The following SNTG1 variants were observed in gnomAD, a reference collection of about 807,000 sequenced individuals.
The protein encoded by SNTG1 is syntrophin gamma 1.
Under a neutral mutation model 74.7 loss-of-function variants are expected in SNTG1, and 39 were observed. The ratio of observed to expected loss-of-function variants is 0.52; its 90% CI spans 0.40 to 0.68. The LOEUF (loss-of-function observed/expected upper bound fraction) is 0.68, where lower values mean the gene tolerates loss of function less well. SNTG1 is among the 30% of genes least tolerant of loss of function. SNTG1 has a pLI of 0.00. For synonymous variants in SNTG1, 254 were observed against 217.1 expected (o/e 1.17, Z -1.49); for missense variants, 685 against 609.5 (o/e 1.12, Z -1.30).
At chr8:50,585,998 T>G (rs142876021) in intron 12 of SNTG1, among the ~76,000 whole-genome samples, 65 of 152,298 alleles carry the variant, frequency 4.3e-4, no homozygotes, top group East Asian at 4.3e-3. Context: ...GTGCCACTTA[T>G]GAGAAAGCAT....
chr8:50,177,506 C>A (rs1254163895), intron 2 of SNTG1, among the ~76,000 whole-genome samples: 1 of 152,204 alleles, frequency 6.6e-6, no homozygotes, highest in Non-Finnish European at 1.5e-5. Flanking sequence ...GGAGTTACAG[C>A]TGTACAGTGT....
chr8:50,736,391 T>A (rs2095528727), intron 17 of SNTG1, among the ~76,000 whole-genome samples: 1 of 152,078 alleles, frequency 6.6e-6, no homozygotes, highest in African/African-American at 2.4e-5. Flanking sequence ...ATCCTAAATA[T>A]ATGCACCCAA....
chr8:50,059,572 A>G (rs1470948118), intron 1 of SNTG1, among the ~76,000 whole-genome samples: 2 of 152,110 alleles, frequency 1.3e-5, no homozygotes, highest in Non-Finnish European at 1.5e-5. Flanking sequence ...ATTGTAAACA[A>G]TTCATATAAA....
intron 2 of SNTG1, among the ~76,000 whole-genome samples, chr8:50,239,698 C>A (rs940147954): frequency 2.6e-5 from 4 of 152,138 alleles, no homozygotes; most frequent in Non-Finnish European, 5.9e-5. Context: ...GCTTCCAAAT[C>A]TTTTAGGTTT....
intron 18 of SNTG1, among the ~76,000 whole-genome samples, chr8:50,767,878 T>C (rs1461789044): frequency 6.6e-6 from 1 of 152,010 alleles, no homozygotes; most frequent in Admixed American, 6.6e-5. Flanking sequence ...CTACACACAT[T>C]GGTGTAGCTT....
Position 49,965,259 on chromosome 8 carries a change from T to C in SNTG1, c.-103+53028T>C, listed in dbSNP as rs188382947. Among the ~76,000 whole-genome samples the C allele has an allele frequency of 4.4e-4, 67 of 152,344 alleles. 1 individual carries two copies. The highest frequency in any genetic ancestry group is 3.4e-3 in the Middle Eastern group (1 of 294). ...AAGGATACAGTTCTCCTGTGGATTC[T>C]AACAAATCTAGTACAGAAGGAGGCA... On this transcript the variant is annotated intron_variant, in intron 1 of 18. Coordinates refer to ENST00000642720, the MANE Select transcript of SNTG1 (RefSeq NM_018967.5).
intron 2 of SNTG1, among the ~76,000 whole-genome samples, chr8:50,351,218 G>T (rs913490262): frequency 2.6e-5 from 4 of 152,160 alleles, no homozygotes; most frequent in African/African-American, 4.8e-5. Flanking sequence ...AGTAGAATTA[G>T]GGTGTTGGAG....
intron 13 of SNTG1, among the ~76,000 whole-genome samples, chr8:50,625,116 A>G (rs1026539253): frequency 3.3e-5 from 5 of 152,148 alleles, no homozygotes; most frequent in Non-Finnish European, 7.4e-5. Flanking sequence ...CTTCACATAT[A>G]TTATCTCATT....
intron 1 of SNTG1, among the ~76,000 whole-genome samples, chr8:49,925,732 C>T (rs1326616809): frequency 3.3e-5 from 5 of 152,140 alleles, no homozygotes; most frequent in African/African-American, 1.2e-4. Flanking sequence ...TCAGAGTAAA[C>T]TATCCAAGTT....
In SNTG1 at chr8:50,672,610, C is replaced by T. The variant is rs181853066; in HGVS notation, c.1038+13947C>T. ...AGACCTTTGTCAGATGGGTAGGTTG[C>T]AAAAGTTTTCTCCAATTCTGTAGGT... On this transcript the variant is annotated intron_variant, in intron 15 of 18. Coordinates refer to ENST00000642720, the MANE Select transcript of SNTG1 (RefSeq NM_018967.5). 1.4e-3 allele frequency among the ~76,000 whole-genome samples: 208 copies of T among 152,204 alleles called. 2 individuals carry two copies. The highest frequency in any genetic ancestry group is 0.01 in the Middle Eastern group (3 of 294).
Position 50,434,625 on chromosome 8 carries a change from C to A in SNTG1, c.163-3918C>A, listed in dbSNP as rs550746238. ...ATATCATTGTGGTTTTGATTTTCAT[C>A]TCTCTGATGGCCAGTGATGATGAGC... On this transcript the variant is annotated intron_variant, in intron 4 of 18. Transcript: ENST00000642720. 3.4e-3 allele frequency among the ~76,000 whole-genome samples: 513 copies of A among 152,178 alleles called. 4 individuals are homozygous for A. Among genetic ancestry groups the A allele is most frequent in the African/African-American group, 0.012 (479 of 41,534 alleles).
At chr8:50,278,087 C>A (rs1213906377) in intron 2 of SNTG1, among the ~76,000 whole-genome samples, 1 of 151,970 alleles carries the variant, frequency 6.6e-6, no homozygotes, top group East Asian at 1.9e-4. Flanking sequence ...GTGGGAGAAT[C>A]ACTTGAACCC....
chr8:50,522,033 G>A (rs1585562059), intron 9 of SNTG1, among the ~76,000 whole-genome samples: 1 of 152,052 alleles, frequency 6.6e-6, no homozygotes, highest in African/African-American at 2.4e-5. Context: ...CAACAATGGA[G>A]AATCATTTCC....
At chr8:50,085,101 C>T (rs1822758553) in intron 1 of SNTG1, among the ~76,000 whole-genome samples, 1 of 152,216 alleles carries the variant, frequency 6.6e-6, no homozygotes, top group African/African-American at 2.4e-5. Flanking sequence ...GCTTTGTCTT[C>T]TCCAGGTAAT....
At chr8:50,608,744 G>A (rs138028887) in intron 13 of SNTG1, among the ~76,000 whole-genome samples, 1 of 151,540 alleles carries the variant, frequency 6.6e-6, no homozygotes, top group Non-Finnish European at 1.5e-5. Context: ...CTGCAATTCT[G>A]CTATTTTTTC....
chr8:50,236,783 A>G (rs558498601), intron 2 of SNTG1, among the ~76,000 whole-genome samples: 14 of 152,152 alleles, frequency 9.2e-5, no homozygotes, highest in African/African-American at 3.1e-4. Context: ...ATATATACAG[A>G]TATAAAATAA....
In SNTG1 at chr8:50,003,881, G is replaced by A. The variant is rs80201035; in HGVS notation, c.-103+91650G>A. Among the ~76,000 whole-genome samples the A allele has an allele frequency of 8.8e-3, 1,340 of 152,226 alleles. 22 individuals are homozygous for A. The highest frequency in any genetic ancestry group is 0.028 in the African/African-American group (1,163 of 41,556). On this transcript the variant is annotated intron_variant, in intron 1 of 18. Transcript: ENST00000642720. ...GTCTCTCTCCTGTTTTCTGGAGTCT[G>A]TTACTGGCCCAAAACAATCTGGGGG...
intron 1 of SNTG1, among the ~76,000 whole-genome samples, chr8:50,073,297 T>G (rs1821537372): frequency 6.6e-6 from 1 of 152,228 alleles, no homozygotes; most frequent in South Asian, 2.1e-4. Context: ...CCACACTTTT[T>G]TGCTCATCCA....
Position 50,438,523 on chromosome 8 carries a change from T to A in SNTG1, c.163-20T>A. On this transcript the variant is annotated intron_variant, in intron 4 of 18. Transcript: ENST00000642720. ...TAGTATTAGGAAACACTAACCATTCTTAAAAATCCTGTCTTTCAGGAAAGA... is the reference window on the plus strand; with the variant it reads ...TAGTATTAGGAAACACTAACCATTCATAAAAATCCTGTCTTTCAGGAAAGA... 1 of 1,610,256 alleles carries A rather than the reference T, an allele frequency of 6.2e-7. No homozygotes were observed. Among genetic ancestry groups the A allele is most frequent in the Non-Finnish European group, 8.5e-7 (1 of 1,177,266 alleles).
Sources: gnomAD v4.1 joint callset for allele counts (sites outside exome capture counted in the v4.1 genomes callset) on GRCh38, gnomAD v4.1.1 for gene constraint, MANE v1.5 for transcripts, NCBI Gene and HGNC (gene_info 2026-07-23, HGNC 2026-07-21) for gene names.